TNRC18: variants seen among roughly 807,000 people sequenced by gnomAD.
The protein encoded by TNRC18 is trinucleotide repeat containing 18.
A neutral mutation model predicts 226.7 loss-of-function variants in TNRC18; 69 were observed. That is an observed-to-expected ratio of 0.30 (90% CI 0.25 to 0.37). The LOEUF (loss-of-function observed/expected upper bound fraction) is 0.37. TNRC18 is among the 10% of genes least tolerant of loss of function. The pLI, the probability that TNRC18 is intolerant of heterozygous loss-of-function variation, is 1.00. For missense variants in TNRC18, 4,754 were observed against 4,256.6 expected (o/e 1.12, Z -3.25); for synonymous variants, 2,449 against 1,927.6 (o/e 1.27, Z -7.09).
At chr7:5,327,056 G>T (rs1315862005) in intron 19 of TNRC18, among the ~76,000 whole-genome samples, 3 of 152,156 alleles carry the variant, frequency 2.0e-5, no homozygotes, top group Non-Finnish European at 4.4e-5. Context: ...CCAGGAGACG[G>T]ACGTTACAGT....
intron 2 of TNRC18, among the ~76,000 whole-genome samples, chr7:5,410,135 AC>A (rs1781746650): frequency 6.7e-6 from 1 of 150,054 alleles, no homozygotes; most frequent in Non-Finnish European, 1.5e-5. Flanking sequence ...ACCTGGTGAA[AC>A]CCCATCTCTA....
Position 5,370,341 on chromosome 7 carries a change from G to C in TNRC18, c.4219+34C>G, listed in dbSNP as rs1025144931. ...CCATCACCACAAAACTAAAACTCAC[G>C]AATCTGCAGAACTCAGAGGTCGCGC... On this transcript the variant is annotated intron_variant, in intron 11 of 29. Coordinates refer to ENST00000430969, the MANE Select transcript of TNRC18 (RefSeq NM_001080495.3). 15 of 1,516,328 alleles carry C rather than the reference G, an allele frequency of 9.9e-6. No homozygotes were observed. In the African/African-American group the frequency reaches 1.5e-4, roughly 15 times the overall value. 93.9% of individuals were successfully genotyped at this position (1,516,328 alleles called of 1,614,324 possible). A position where few individuals can be genotyped will look rare whatever the true frequency, so the allele number is the denominator to read the frequency against.
intron 17 of TNRC18, among the ~76,000 whole-genome samples, chr7:5,351,480 C>G (rs1222330379): frequency 1.3e-4 from 1 of 7,964 alleles, no homozygotes; most frequent in African/African-American, 5.3e-4. Context: ...AACGTGAGTG[C>G]GGGGGTGGGG....
Position 5,376,777 on chromosome 7 carries a change from T to C in TNRC18, c.2608+70A>G. 3 of 1,556,718 alleles carry C rather than the reference T, an allele frequency of 1.9e-6. No homozygotes were observed. In the South Asian group the frequency reaches 3.6e-5, roughly 19 times the overall value. On this transcript the variant is annotated intron_variant, in intron 8 of 29. Transcript: ENST00000430969. ...CCGCCACCCCTCAGCAGGAAGCCCTTGGCATCAGAGACCATCTCGCTGGGC... is the reference window on the plus strand; with the variant it reads ...CCGCCACCCCTCAGCAGGAAGCCCTCGGCATCAGAGACCATCTCGCTGGGC...
intron 11 of TNRC18, among the ~76,000 whole-genome samples, chr7:5,365,482 G>C (rs1048085435): frequency 1.3e-5 from 2 of 152,062 alleles, no homozygotes; most frequent in African/African-American, 4.8e-5. Flanking sequence ...AGCCTCACCA[G>C]TGTGATGAAT....
At chr7:5,317,711 G>GTT (rs34172970) in intron 24 of TNRC18, among the ~76,000 whole-genome samples, 9 of 143,528 alleles carry the variant, frequency 6.3e-5, no homozygotes, top group Admixed American at 1.4e-4. Context: ...AACTCTTAAG[G>GTT]TTTTTTTTTT....
In TNRC18 at chr7:5,313,584, T is replaced by C; in HGVS notation, c.7307A>G (p.Lys2436Arg). 6.2e-7 allele frequency: 1 copy of C among 1,604,742 alleles called. No individual in the cohort carries two copies. ...PLITMPATRP[K>R]PKKARAAEES... ...CTCGGCTGCCCGCGCCTTCTTGGGC[T>C]TGGGGCGTGTGGCAGGCATGGTGAT... Residue 2436 changes from lysine (K) to arginine (R), a missense_variant, in exon 27 of 30, where the codon AAG becomes AGG. By Grantham distance (26) the Lys-to-Arg change is conservative. Transcript: ENST00000430969.
chr7:5,321,383 T>C (rs960904331), intron 21 of TNRC18, among the ~76,000 whole-genome samples, 193 bp from the exon 22 acceptor site: 2 of 152,134 alleles, frequency 1.3e-5, no homozygotes, highest in Non-Finnish European at 2.9e-5. Flanking sequence ...CCAGTGAGCA[T>C]GTACAGGGTG....
intron 16 of TNRC18, among the ~76,000 whole-genome samples, chr7:5,353,218 G>A (rs1243599890): frequency 6.6e-6 from 1 of 152,172 alleles, no homozygotes; most frequent in Non-Finnish European, 1.5e-5. Context: ...CTAAGTGGGT[G>A]ACAACCAACT....
At chr7:5,311,609 T>C (rs1030293813) in intron 27 of TNRC18, among the ~76,000 whole-genome samples, 2 of 148,370 alleles carry the variant, frequency 1.3e-5, no homozygotes, top group African/African-American at 2.5e-5. Context: ...AGCCCAGGGG[T>C]TCAAGACCAG....
rs774553113 is a variant in TNRC18 at position 5,377,981 on chromosome 7, T to C, written c.2196A>G (p.Arg732=). ...CCCCGAGCAGCCGTTCCTCCCGGTGTCTGGCCCGGTCGTCCACACAGTCCT... is the reference window on the plus strand; with the variant it reads ...CCCCGAGCAGCCGTTCCTCCCGGTGCCTGGCCCGGTCGTCCACACAGTCCT... The part of the protein sequence containing the change: ...ADEDCVDDRA[R]HREERLLGAR... Residue 732 remains arginine, a synonymous_variant, in exon 6 of 30, where the codon AGA becomes AGG. Coordinates refer to ENST00000430969, the MANE Select transcript of TNRC18 (RefSeq NM_001080495.3). The surrounding 1 kb of genome is among the most constrained non-coding windows in gnomAD (Gnocchi z 5.8). 10 of 1,613,140 alleles carry C rather than the reference T, an allele frequency of 6.2e-6. No homozygotes were observed. Among genetic ancestry groups the C allele is most frequent in the Non-Finnish European group, 8.5e-6 (10 of 1,179,756 alleles).
intron 8 of TNRC18, among the ~76,000 whole-genome samples, chr7:5,376,614 C>A (rs1191098233): frequency 1.3e-5 from 2 of 152,202 alleles, no homozygotes; most frequent in African/African-American, 4.8e-5. Flanking sequence ...AGCCCCCACC[C>A]AGGGCTGCCT....
rs556969777 is a variant in TNRC18, at chr7:5,410,722, C to T, written c.187+10338G>A. ...CTCTACTAAAAATACAAAAATTAGTCGGGTGTGGTGGCATAAGCCTATAAT... is the reference window on the plus strand; with the variant it reads ...CTCTACTAAAAATACAAAAATTAGTTGGGTGTGGTGGCATAAGCCTATAAT... On this transcript the variant is annotated intron_variant, in intron 2 of 29. Transcript: ENST00000430969. 1.1e-3 allele frequency among the ~76,000 whole-genome samples: 170 copies of T among 151,570 alleles called. 1 individual carries two copies. Among genetic ancestry groups the T allele is most frequent in the African/African-American group, 4.0e-3 (166 of 41,298 alleles).
chr7:5,368,244 A>C (rs1453077628), intron 11 of TNRC18, among the ~76,000 whole-genome samples: 6 of 151,888 alleles, frequency 4.0e-5, no homozygotes. Flanking sequence ...AGGTGGGAAA[A>C]TCACTTGAGT....
chr7:5,345,517 G>GGGGGGGGGGGCCCCCCCCCCCCCCC, intron 18 of TNRC18, 45 bp downstream of exon 18: 19 of 377,722 alleles, frequency 5.0e-5, no homozygotes, highest in Non-Finnish European at 5.8e-5. Flanking sequence ...AATGGCGTCC[G>GGGGGGGGGGGCCCCCCCCCCCCCCC]CCCCTCCCAC....
rs186298446 is a variant in TNRC18, at chr7:5,402,746, C to T, written c.188-8151G>A. Among the ~76,000 whole-genome samples the T allele has an allele frequency of 2.8e-3, 418 of 151,846 alleles. 1 individual carries two copies. Among genetic ancestry groups the T allele is most frequent in the Non-Finnish European group, 5.0e-3 (341 of 67,940 alleles). Reference sequence around the variant, plus strand: ...GTGGACGCCTATAATCCCAGCTACTCGGGAGGCTGAGGCAGGAGAACTGCT... The same window carrying T: ...GTGGACGCCTATAATCCCAGCTACTTGGGAGGCTGAGGCAGGAGAACTGCT... On this transcript the variant is annotated intron_variant, in intron 2 of 29. Coordinates refer to ENST00000430969, the MANE Select transcript of TNRC18 (RefSeq NM_001080495.3).
In TNRC18 at chr7:5,420,683, C is replaced by G. The variant is rs766666252; in HGVS notation, c.187+377G>C. 6.8e-5 allele frequency: 34 copies of G among 500,184 alleles called. 2 individuals carry two copies. Among genetic ancestry groups the G allele is most frequent in the South Asian group, 4.8e-4 (31 of 64,990 alleles). 31.0% of individuals were successfully genotyped at this position (500,184 alleles called of 1,614,324 possible). ...GCGTTTGCCAAGAAAAAGATTCGAG[C>G]TCGGGGAGCGGGTGTCTCGCGGGGT... On this transcript the variant is annotated intron_variant, in intron 2 of 29. Transcript: ENST00000430969.
intron 8 of TNRC18, among the ~76,000 whole-genome samples, chr7:5,376,606 C>T (rs552997758): frequency 1.3e-5 from 2 of 152,210 alleles, no homozygotes; most frequent in African/African-American, 2.4e-5. Context: ...GGAATCCCAG[C>T]CCCCACCCAG....
chr7:5,326,992 C>A (rs1562496490), intron 19 of TNRC18, among the ~76,000 whole-genome samples: 1 of 152,030 alleles, frequency 6.6e-6, no homozygotes, highest in Non-Finnish European at 1.5e-5. Flanking sequence ...GGCATGGTGG[C>A]ACACGCCTGT....
Sources: allele counts gnomAD v4.1 joint callset (sites outside exome capture counted in the v4.1 genomes callset), GRCh38; gene constraint gnomAD v4.1.1; non-coding constraint Gnocchi (gnomAD v3.1); transcripts MANE v1.5; gene names NCBI Gene and HGNC (gene_info 2026-07-23, HGNC 2026-07-21).